SRRM3: variants seen among roughly 807,000 people sequenced by gnomAD.
The protein encoded by SRRM3 is serine/arginine repetitive matrix 3, also known as serine/arginine repetitive matrix protein 3.
SRRM3 carries 27 observed loss-of-function variants against 66.2 expected under a neutral mutation model. That is an observed-to-expected ratio of 0.41 (90% CI 0.30 to 0.56). SRRM3 has a LOEUF of 0.56. SRRM3 is among the 20% of genes least tolerant of loss of function. SRRM3 has a pLI of 0.32. For synonymous variants in SRRM3, 391 were observed against 414.9 expected (o/e 0.94, Z 0.70); for missense variants, 918 against 991.9 (o/e 0.93, Z 1.00).
At chr7:76,260,936 CG>C in intron 6 of SRRM3, 33 bp downstream of exon 6, 1 of 1,552,062 alleles carries the variant, frequency 6.4e-7, no homozygotes, top group Non-Finnish European at 8.7e-7. Flanking sequence ...GGGGCCAGGG[CG>C]GGGGATGTCT....
At chr7:76,257,688 G>A (rs564747274) in intron 3 of SRRM3, among the ~76,000 whole-genome samples, 22 of 151,854 alleles carry the variant, frequency 1.4e-4, no homozygotes, top group Non-Finnish European at 2.1e-4. Context: ...TGGGAGGATC[G>A]CTTGAGGCCA....
chr7:76,240,287 C>T (rs1801251262), intron 2 of SRRM3, among the ~76,000 whole-genome samples: 1 of 151,966 alleles, frequency 6.6e-6, no homozygotes, highest in African/African-American at 2.4e-5. Context: ...AGTTTGAGAC[C>T]AGCCTGTGTA....
chr7:76,275,177 A>G (rs943242857), intron 11 of SRRM3, among the ~76,000 whole-genome samples: 16 of 151,798 alleles, frequency 1.1e-4, no homozygotes, highest in African/African-American at 2.9e-4. Flanking sequence ...ACGGGCTTCT[A>G]TCTTCAGCTT....
intron 2 of SRRM3, among the ~76,000 whole-genome samples, chr7:76,236,235 G>A (rs1215871824): frequency 2.0e-5 from 3 of 151,302 alleles, no homozygotes; most frequent in Admixed American, 1.3e-4. Flanking sequence ...GCTTGAACCG[G>A]GAGGTGGAGG....
intron 1 of SRRM3, among the ~76,000 whole-genome samples, chr7:76,219,947 C>T (rs1800667575): frequency 6.6e-6 from 1 of 152,070 alleles, no homozygotes; most frequent in South Asian, 2.1e-4. Flanking sequence ...CAAGGCTGGA[C>T]TCGAGGGCTT....
chr7:76,257,465 A>G (rs911665414), intron 3 of SRRM3, among the ~76,000 whole-genome samples: 8 of 131,478 alleles, frequency 6.1e-5, no homozygotes, highest in Non-Finnish European at 1.3e-4. Flanking sequence ...AAAAAAAAAA[A>G]GAAGGCCAGG....
At chr7:76,220,543 A>G (rs1315290090) in intron 1 of SRRM3, among the ~76,000 whole-genome samples, 2 of 151,878 alleles carry the variant, frequency 1.3e-5, no homozygotes, top group Non-Finnish European at 2.9e-5. Context: ...GGCCCCGGAC[A>G]CCCCATCTTG....
At chr7:76,219,833 C>T (rs1800665533) in intron 1 of SRRM3, among the ~76,000 whole-genome samples, 1 of 152,050 alleles carries the variant, frequency 6.6e-6, no homozygotes, top group African/African-American at 2.4e-5. Context: ...TGGCTGGAAC[C>T]CAGGAGGTGG....
Position 76,235,364 on chromosome 7 carries a change from T to A in SRRM3, c.233+65T>A, listed in dbSNP as rs1414320677. ...GCGGGGCGAGGGTGGGAGAAGCGAG[T>A]GATGCTGCACGTGGGCGTGGCGAAC... On this transcript the variant is annotated intron_variant, in intron 2 of 14. Coordinates refer to ENST00000611745, the MANE Select transcript of SRRM3 (RefSeq NM_001110199.3). 3.0e-6 allele frequency: 4 copies of A among 1,341,422 alleles called. No individual in the cohort carries two copies. In the African/African-American group the frequency reaches 6.3e-5, roughly 21 times the overall value. The allele number at this position is 1,341,422 out of a possible 1,614,324, so 83.1% of individuals were successfully genotyped here. A position where few individuals can be genotyped will look rare whatever the true frequency, so the allele number is the denominator to read the frequency against.
intron 1 of SRRM3, among the ~76,000 whole-genome samples, chr7:76,202,798 C>T (rs782596691): frequency 2.0e-5 from 3 of 152,090 alleles, no homozygotes; most frequent in Non-Finnish European, 4.4e-5. Context: ...CTTGCCTCCG[C>T]CTCCCCCTCC....
chr7:76,206,977 G>A (rs1366553926), intron 1 of SRRM3, among the ~76,000 whole-genome samples: 2 of 152,190 alleles, frequency 1.3e-5, no homozygotes, highest in Admixed American at 6.5e-5. Context: ...GACTTCCTCA[G>A]CTGAGCCCCC....
chr7:76,241,934 A>G lies in SRRM3; in HGVS notation c.234-6254A>G, dbSNP rs563529957. Among the ~76,000 whole-genome samples, 14 of 152,336 alleles carry G rather than the reference A, an allele frequency of 9.2e-5. No individual in the cohort carries two copies. In the South Asian group the frequency reaches 2.9e-3, roughly 32 times the overall value. The stretch of plus-strand genomic sequence containing the variant: ...CTTGAGGCTAGGTAACTTATAAAGA[A>G]AATAAGTTTACTTGGCTCACGGTTC... On this transcript the variant is annotated intron_variant, in intron 2 of 14. Coordinates refer to ENST00000611745, the MANE Select transcript of SRRM3 (RefSeq NM_001110199.3).
chr7:76,209,667 A>T (rs1360415481), intron 1 of SRRM3, among the ~76,000 whole-genome samples: 4 of 149,294 alleles, frequency 2.7e-5, no homozygotes, highest in Non-Finnish European at 1.5e-5. Flanking sequence ...TGCAATAGTG[A>T]GATCATAGCT....
intron 1 of SRRM3, among the ~76,000 whole-genome samples, chr7:76,212,393 C>A (rs1291102413): frequency 2.7e-5 from 4 of 147,668 alleles, no homozygotes; most frequent in Non-Finnish European, 6.0e-5. Flanking sequence ...CTGGCCTCAA[C>A]TGATCCTCCC....
Position 76,282,611 on chromosome 7 carries a change from T to A in SRRM3, c.1371-37T>A. The A allele has an allele frequency of 7.2e-6, 4 of 553,720 alleles. No individual in the cohort carries two copies. The South Asian group carries it at 7.7e-5, about 11-fold the overall frequency. 34.3% of individuals were successfully genotyped at this position (553,720 alleles called of 1,614,324 possible). On this transcript the variant is annotated intron_variant, in intron 12 of 14. Transcript: ENST00000611745. ...CCCCGCCCCCAGCCCCCTTTCCGGG[T>A]CGCTGAGCCCTATCCCGCGCCGTCT... is the stretch of plus-strand genomic sequence containing the variant.
chr7:76,209,042 C>T (rs782758469), intron 1 of SRRM3, among the ~76,000 whole-genome samples: 5 of 151,982 alleles, frequency 3.3e-5, no homozygotes, highest in African/African-American at 4.8e-5. Context: ...AAGGCTGCAA[C>T]GAGCTATGAT....
intron 1 of SRRM3, among the ~76,000 whole-genome samples, chr7:76,223,535 A>C (rs1554603439): frequency 6.6e-6 from 1 of 152,116 alleles, no homozygotes; most frequent in African/African-American, 2.4e-5. Context: ...TGTTGCACAC[A>C]CTTATTTTTA....
rs187851508 is a variant in SRRM3 at position 76,283,280 on chromosome 7, G to A, written c.1733+179G>A. Among the ~76,000 whole-genome samples, 881 of 152,042 alleles carry A rather than the reference G, an allele frequency of 5.8e-3. 7 individuals are homozygous for A. The highest frequency in any genetic ancestry group is 0.02 in the African/African-American group (829 of 41,464). ...CAGGGTAGGGGGCCAGGGGAGGAGG[G>A]GGCTAGAACTGGAGGTGCTGGGGTC... On this transcript the variant is annotated intron_variant, in intron 14 of 14. Coordinates refer to ENST00000611745, the MANE Select transcript of SRRM3 (RefSeq NM_001110199.3).
In SRRM3 at chr7:76,244,130, C is replaced by A. The variant is rs988354280; in HGVS notation, c.234-4058C>A. ...GGGTTAGAAGAAAAGCCCCCCACCC[C>A]TAACCAGGCCAGGACCCAGCCCTCC... is the stretch of plus-strand genomic sequence containing the variant. On this transcript the variant is annotated intron_variant, in intron 2 of 14. Coordinates refer to ENST00000611745, the MANE Select transcript of SRRM3 (RefSeq NM_001110199.3). 3.9e-5 allele frequency among the ~76,000 whole-genome samples: 6 copies of A among 152,160 alleles called. No individual in the cohort carries two copies. The East Asian group carries it at 9.6e-4, about 24-fold the overall frequency.
Sources: gnomAD v4.1 joint callset for allele counts (sites outside exome capture counted in the v4.1 genomes callset) on GRCh38, gnomAD v4.1.1 for gene constraint, MANE v1.5 for transcripts, NCBI Gene and HGNC (gene_info 2026-07-23, HGNC 2026-07-21) for gene names.